TDRP: variants seen among roughly 807,000 people sequenced by gnomAD.
TDRP encodes the protein testis development-related protein.
A neutral mutation model predicts 10.5 loss-of-function variants in TDRP; 12 were observed. The observed-to-expected ratio is 1.15, with a 90% CI of 0.73 to 1.86. The LOEUF is 1.86. TDRP is among the 40% of genes most tolerant of loss of function. TDRP has a pLI of 0.00. For synonymous variants in TDRP, 139 were observed against 95.4 expected (o/e 1.46, Z -2.67); for missense variants, 353 against 229.2 (o/e 1.54, Z -3.49).
intron 1 of TDRP, among the ~76,000 whole-genome samples, chr8:525,548 G>A (rs1285639610): frequency 6.6e-6 from 1 of 152,068 alleles, no homozygotes; most frequent in South Asian, 2.1e-4. Context: ...GAGAAATCAG[G>A]GGGATGAAGT....
chr8:528,934 G>A (rs1476112502), intron 1 of TDRP, among the ~76,000 whole-genome samples: 2 of 152,160 alleles, frequency 1.3e-5, no homozygotes, highest in African/African-American at 2.4e-5. Context: ...TGCAAGCTGA[G>A]GAGCAAGGAA....
Position 492,497 on chromosome 8 carries a change from T to C in TDRP, c.460A>G (p.Asn154Asp). 1 of 1,610,614 alleles carries C rather than the reference T, an allele frequency of 6.2e-7. No homozygotes were observed. The highest frequency in any genetic ancestry group is 2.2e-5 in the East Asian group (1 of 44,786). ...GCGCGCAGGCTCCACCTGGAGCTGT[T>C]GGCAGAGCTGGCCAGGCTGGTGTAC... ...TKYTSLASSA[N>D]SSRWSLRAAG... Residue 154 changes from asparagine to aspartate, a missense_variant, in exon 3 of 3, where the codon AAC (asparagine) becomes GAC (aspartate). Transcript: ENST00000324079.
intron 1 of TDRP, among the ~76,000 whole-genome samples, chr8:542,901 A>C (rs1802536664): frequency 1.3e-5 from 2 of 151,640 alleles, no homozygotes; most frequent in Admixed American, 1.3e-4. Context: ...GTGTAAAGGG[A>C]AAATCAGAAA....
At chr8:514,643 C>T (rs1419544713) in intron 1 of TDRP, among the ~76,000 whole-genome samples, 2 of 152,198 alleles carry the variant, frequency 1.3e-5, no homozygotes, top group African/African-American at 2.4e-5. Flanking sequence ...GCCGGATCCA[C>T]ATAAGCCAAG....
At chr8:498,184 C>A (rs986754673) in intron 1 of TDRP, among the ~76,000 whole-genome samples, 2 of 152,144 alleles carry the variant, frequency 1.3e-5, no homozygotes, top group African/African-American at 4.8e-5. Flanking sequence ...AATGGTAGAT[C>A]CACCAACAAC....
chr8:533,065 G>A (rs1252993986), intron 1 of TDRP, among the ~76,000 whole-genome samples: 1 of 152,182 alleles, frequency 6.6e-6, no homozygotes, highest in Non-Finnish European at 1.5e-5. Flanking sequence ...TGGGACCCAG[G>A]CCTGCCTCCA....
chr8:522,449 T>C (rs1362670279), intron 1 of TDRP, among the ~76,000 whole-genome samples: 1 of 152,258 alleles, frequency 6.6e-6, no homozygotes, highest in South Asian at 2.1e-4. Flanking sequence ...TTGCCATGCA[T>C]TGTGAAGACT....
At chr8:527,326 A>C (rs1046470557) in intron 1 of TDRP, among the ~76,000 whole-genome samples, 2 of 152,202 alleles carry the variant, frequency 1.3e-5, no homozygotes, top group Admixed American at 6.5e-5. Context: ...CTATTGTTAA[A>C]ATATCCATAT....
rs1801077875 is a variant in TDRP at position 494,588 on chromosome 8, C to G, written c.118G>C (p.Ala40Pro). The change falls in exon 2 of 3, where the codon GCA (alanine) becomes CCA (proline). Residue 40 changes from alanine to proline, a missense_variant. Transcript: ENST00000324079. ...ACTTCTTTCCAACCTCGGAAACTTG[C>G]TCCCTGAACCTAATAAAAGGTTAAG... ...AAAAQAQVQGASFRGWKEVTS... is the reference protein window; with the variant it reads ...AAAAQAQVQGPSFRGWKEVTS... The G allele has an allele frequency of 6.2e-7, 1 of 1,613,668 alleles. No homozygotes were observed. The highest frequency in any genetic ancestry group is 1.3e-5 in the African/African-American group (1 of 74,926).
rs1268582215 is a variant in TDRP, at chr8:492,369, T to A, written c.*30A>T. On this transcript the variant is annotated 3_prime_UTR_variant, in exon 3 of 3. Transcript: ENST00000324079. ...ATGGTATACTCATAAAAGGCCACCA[T>A]GTCGGGGCACACTTGCCACGCAGCC... is the stretch of plus-strand genomic sequence containing the variant. The A allele has an allele frequency of 6.1e-6, 9 of 1,471,146 alleles. No homozygotes were observed. The highest frequency in any genetic ancestry group is 8.1e-6 in the Non-Finnish European group (9 of 1,109,176). The allele number at this position is 1,471,146 out of a possible 1,614,324, so 91.1% of individuals were successfully genotyped here. A position where few individuals can be genotyped will look rare whatever the true frequency, so the allele number is the denominator to read the frequency against.
chr8:527,811 TAAAAG>T (rs1468447472), intron 1 of TDRP, among the ~76,000 whole-genome samples: 1 of 152,092 alleles, frequency 6.6e-6, no homozygotes. Flanking sequence ...ACGAAACTAC[TAAAAG>T]AAAACATCAG....
rs1303400936 is a variant in TDRP, at chr8:499,899, A to T, written c.109-5302T>A. On this transcript the variant is annotated intron_variant, in intron 1 of 2. Coordinates refer to ENST00000324079, the MANE Select transcript of TDRP (RefSeq NM_001384899.1). The stretch of plus-strand genomic sequence containing the variant: ...CAAAATCTTAGGTGGCGACAGCCTA[A>T]GTGCTGCTCATGGTATGGGGCATGA... Among the ~76,000 whole-genome samples, 4 of 152,220 alleles carry T rather than the reference A, an allele frequency of 2.6e-5. No homozygotes were observed. The East Asian group carries it at 7.7e-4, about 29-fold the overall frequency.
intron 1 of TDRP, among the ~76,000 whole-genome samples, chr8:505,819 G>A (rs1801446408): frequency 6.6e-6 from 1 of 152,188 alleles, no homozygotes; most frequent in Non-Finnish European, 1.5e-5. Context: ...AGGGTCCAGA[G>A]GCAGCCACAC....
chr8:512,501 T>C (rs1801646690), intron 1 of TDRP, among the ~76,000 whole-genome samples: 1 of 151,924 alleles, frequency 6.6e-6, no homozygotes, highest in Admixed American at 6.6e-5. Context: ...AAGACTTAAA[T>C]TACTGGAATC....
At chr8:540,710 T>C (rs897105790) in intron 1 of TDRP, among the ~76,000 whole-genome samples, 2 of 151,810 alleles carry the variant, frequency 1.3e-5, no homozygotes, top group African/African-American at 4.8e-5. Flanking sequence ...ATGTTAAAAT[T>C]ATTTTAGTAA....
chr8:533,871 G>A (rs187587891), intron 1 of TDRP, among the ~76,000 whole-genome samples: 53 of 152,242 alleles, frequency 3.5e-4, no homozygotes, highest in African/African-American at 1.2e-3. Flanking sequence ...ACCGAGAACT[G>A]TTTATCTCCC....
intron 1 of TDRP, among the ~76,000 whole-genome samples, chr8:519,382 A>G (rs1178349125): frequency 6.6e-6 from 1 of 152,188 alleles, no homozygotes; most frequent in Admixed American, 6.5e-5. Flanking sequence ...ACAGAGAGTC[A>G]TGGGAAACCC....
intron 1 of TDRP, among the ~76,000 whole-genome samples, chr8:538,883 C>T (rs1227106806): frequency 1.3e-5 from 2 of 152,218 alleles, no homozygotes; most frequent in African/African-American, 2.4e-5. Context: ...GAGAAACATT[C>T]GCATATGCTG....
At chr8:510,455 G>C (rs1801585036) in intron 1 of TDRP, among the ~76,000 whole-genome samples, 1 of 152,082 alleles carries the variant, frequency 6.6e-6, no homozygotes, top group Non-Finnish European at 1.5e-5. Context: ...ACCAACCAAA[G>C]ACAGGGAGAT....
Sources: allele counts gnomAD v4.1 joint callset (sites outside exome capture counted in the v4.1 genomes callset), GRCh38; gene constraint gnomAD v4.1.1; transcripts MANE v1.5; gene names NCBI Gene and HGNC (gene_info 2026-07-23, HGNC 2026-07-21).